Variants in FHOD3 observed in about 807,000 individuals in gnomAD.
The protein encoded by FHOD3 is formin homology 2 domain containing 3, also known as FH1/FH2 domain-containing protein 3.
A neutral mutation model predicts 173.0 loss-of-function variants in FHOD3; 90 were observed. The ratio of observed to expected loss-of-function variants is 0.52; its 90% CI spans 0.44 to 0.62. FHOD3 has a LOEUF of 0.62. Among genes scored for constraint, FHOD3 ranks in the 20% least tolerant of loss-of-function variants. FHOD3 has a pLI of 0.00. For synonymous variants in FHOD3, 828 were observed against 823.0 expected (o/e 1.01, Z -0.10); for missense variants, 1,945 against 2,034.7 (o/e 0.96, Z 0.85).
chr18:36,653,292 T>C (rs1248191624), intron 12 of FHOD3, 50 bp from the exon 13 acceptor site: 1 of 1,383,030 alleles, frequency 7.2e-7, no homozygotes, highest in East Asian at 2.5e-5. Context: ...TCAAAGTCCT[T>C]TGCTATCTTT....
chr18:36,352,959 A>G (rs914482269), intron 1 of FHOD3, among the ~76,000 whole-genome samples: 2 of 152,206 alleles, frequency 1.3e-5, no homozygotes, highest in African/African-American at 4.8e-5. Flanking sequence ...TTCCACCTGG[A>G]AAGATAAAGT....
At chr18:36,534,404 C>A (rs2056908314) in intron 5 of FHOD3, among the ~76,000 whole-genome samples, 1 of 152,216 alleles carries the variant, frequency 6.6e-6, no homozygotes, top group South Asian at 2.1e-4. Flanking sequence ...GTTCCTGCAG[C>A]TGGTCCTGAG....
intron 19 of FHOD3, among the ~76,000 whole-genome samples, chr18:36,727,825 A>G (rs1259577562): frequency 6.6e-6 from 1 of 152,194 alleles, no homozygotes; most frequent in African/African-American, 2.4e-5. Flanking sequence ...GCTGTTTGCC[A>G]TGGGGCTGAA....
intron 3 of FHOD3, among the ~76,000 whole-genome samples, chr18:36,411,475 C>T (rs543373898): frequency 6.6e-6 from 1 of 152,286 alleles, no homozygotes; most frequent in South Asian, 2.1e-4. Context: ...GGATATTTAA[C>T]CATTGAATTC....
intron 7 of FHOD3, among the ~76,000 whole-genome samples, chr18:36,598,963 T>C (rs1054766537): frequency 6.6e-6 from 1 of 152,238 alleles, no homozygotes; most frequent in Non-Finnish European, 1.5e-5. Context: ...GGTATTAATA[T>C]CAGACCACTG....
At chr18:36,617,304 T>C (rs1375411600) in intron 9 of FHOD3, among the ~76,000 whole-genome samples, 1 of 152,238 alleles carries the variant, frequency 6.6e-6, no homozygotes, top group Non-Finnish European at 1.5e-5. Flanking sequence ...TTTAGCTCCT[T>C]CTTCTCAGTC....
chr18:36,582,143 A>T (rs2058875392), intron 6 of FHOD3, among the ~76,000 whole-genome samples: 1 of 152,126 alleles, frequency 6.6e-6, no homozygotes, highest in Admixed American at 6.5e-5. Context: ...ACTGGTTTGG[A>T]GATGAAGGAA....
intron 5 of FHOD3, among the ~76,000 whole-genome samples, chr18:36,517,284 A>G (rs2056042439): frequency 6.6e-6 from 1 of 152,154 alleles, no homozygotes. Context: ...CTAGAGTGGT[A>G]TATTGCTGGG....
Position 36,594,829 on chromosome 18 carries a change from T to C in FHOD3, c.649T>C (p.Phe217Leu). Reference sequence around the variant, plus strand: ...GACAGCCCTGAAGCTGCTGCTCGTCTTTGTAGAGTACTCGGAGTCCAACGC... The same window carrying C: ...GACAGCCCTGAAGCTGCTGCTCGTCCTTGTAGAGTACTCGGAGTCCAACGC... ...VKTALKLLLV[F>L]VEYSESNAPL... Residue 217 changes from phenylalanine (F) to leucine (L), a missense_variant, in exon 7 of 29, where the codon TTT (phenylalanine) becomes CTT (leucine). Coordinates refer to ENST00000590592, the MANE Select transcript of FHOD3 (RefSeq NM_001281740.3). 1 of 1,614,004 alleles carries C rather than the reference T, an allele frequency of 6.2e-7. No individual in the cohort carries two copies. The highest frequency in any genetic ancestry group is 8.5e-7 in the Non-Finnish European group (1 of 1,179,950).
At chr18:36,468,509 C>T (rs754968494) in intron 3 of FHOD3, among the ~76,000 whole-genome samples, 10 of 152,228 alleles carry the variant, frequency 6.6e-5, no homozygotes, top group Non-Finnish European at 1.0e-4. Flanking sequence ...GGGAGCTGCC[C>T]GGAGCTCCTT....
intron 3 of FHOD3, among the ~76,000 whole-genome samples, chr18:36,377,970 C>T (rs1041046635): frequency 1.3e-5 from 2 of 152,228 alleles, no homozygotes; most frequent in Non-Finnish European, 2.9e-5. Flanking sequence ...GCAGGTGGTA[C>T]ACCCTCTTTG....
chr18:36,582,961 A>C (rs2148129116), intron 6 of FHOD3, among the ~76,000 whole-genome samples: 1 of 152,192 alleles, frequency 6.6e-6, no homozygotes, highest in Middle Eastern at 3.4e-3. Context: ...TCCCCCATTG[A>C]TTGTGGGCCA....
chr18:36,699,728 A>C (rs1427321675), intron 17 of FHOD3, among the ~76,000 whole-genome samples: 1 of 152,152 alleles, frequency 6.6e-6, no homozygotes, highest in Non-Finnish European at 1.5e-5. Context: ...GTATGGCAAG[A>C]CACACTCACG....
intron 14 of FHOD3, among the ~76,000 whole-genome samples, chr18:36,674,309 A>G (rs2037714663): frequency 6.6e-6 from 1 of 152,240 alleles, no homozygotes; most frequent in Non-Finnish European, 1.5e-5. Flanking sequence ...ATCCACATTT[A>G]TATACCAGGG....
At chr18:36,425,836 CATACTT>C (rs1434311881) in intron 3 of FHOD3, among the ~76,000 whole-genome samples, 4 of 151,810 alleles carry the variant, frequency 2.6e-5, no homozygotes, top group Non-Finnish European at 4.4e-5. Flanking sequence ...TACATAGACA[CATACTT>C]ATATGCATGT....
intron 3 of FHOD3, among the ~76,000 whole-genome samples, chr18:36,376,055 G>A (rs952617101): frequency 6.6e-6 from 1 of 152,174 alleles, no homozygotes; most frequent in African/African-American, 2.4e-5. Context: ...TATGAGGTTA[G>A]CTAGAGAAAA....
chr18:36,725,916 C>T (rs568200746), intron 19 of FHOD3, among the ~76,000 whole-genome samples: 26 of 152,152 alleles, frequency 1.7e-4, no homozygotes, highest in Admixed American at 9.8e-4. Context: ...TATTCTAGGG[C>T]CAGTGCTATA....
intron 3 of FHOD3, among the ~76,000 whole-genome samples, chr18:36,486,661 C>A (rs2054208282): frequency 6.6e-6 from 1 of 152,180 alleles, no homozygotes; most frequent in Admixed American, 6.5e-5. Context: ...CTAGAATCAA[C>A]CTTCCTTTTC....
rs2057701177 is a variant in FHOD3, at chr18:36,552,504, T to C, written c.512-23947T>C. Among the ~76,000 whole-genome samples, 7 of 122,918 alleles carry C rather than the reference T, an allele frequency of 5.7e-5. No individual in the cohort carries two copies. The Admixed American group carries it at 6.4e-4, about 11-fold the overall frequency. 80.6% of individuals were successfully genotyped at this position (122,918 alleles called of 152,430 possible). ...ACCCTTTATTTCTTTTTCTTTTTCT[T>C]TTTTTTTTTTTTGAGACAGAATCTT... On this transcript the variant is annotated intron_variant, in intron 5 of 28. Transcript: ENST00000590592.
Sources: gnomAD v4.1 joint callset for allele counts (sites outside exome capture counted in the v4.1 genomes callset) on GRCh38, gnomAD v4.1.1 for gene constraint, MANE v1.5 for transcripts, NCBI Gene and HGNC (gene_info 2026-07-23, HGNC 2026-07-21) for gene names.